The following GALNT13 variants were observed in gnomAD, a reference collection of about 807,000 sequenced individuals.
GALNT13 encodes polypeptide N-acetylgalactosaminyltransferase 13.
In GALNT13, 28 loss-of-function variants were observed where a neutral mutation model predicts 64.2. That is an observed-to-expected ratio of 0.44 (90% CI 0.32 to 0.60). The LOEUF (loss-of-function observed/expected upper bound fraction) is 0.60. Among genes scored for constraint, GALNT13 ranks in the 20% least tolerant of loss-of-function variants. The probability of loss-of-function intolerance (pLI) is 0.05; values close to 1 mark genes in which losing one functional copy is unlikely to be tolerated. For missense variants in GALNT13, 577 were observed against 669.8 expected (o/e 0.86, Z 1.53); for synonymous variants, 214 against 224.6 (o/e 0.95, Z 0.42).
chr2:153,437,862 T>A, the GALNT13 span, among the ~76,000 whole-genome samples: 1 of 152,238 alleles, frequency 6.6e-6, no homozygotes, highest in Non-Finnish European at 1.5e-5. Context: ...AATTTGATCC[T>A]GTCATTATGA....
In GALNT13 at chr2:154,429,461, G is replaced by C. The variant is rs551114644; in HGVS notation, c.1396-9131G>C. Among the ~76,000 whole-genome samples, 15 of 152,212 alleles carry C rather than the reference G, an allele frequency of 9.9e-5. No individual in the cohort carries two copies. In the South Asian group the frequency reaches 3.1e-3, roughly 32 times the overall value. On this transcript the variant is annotated intron_variant, in intron 11 of 12. Coordinates refer to ENST00000392825, the MANE Select transcript of GALNT13 (RefSeq NM_052917.4). ...TACACCAAAACTTCTTCCACAGCAG[G>C]GCCCTAACTCTAATTCTATGATGGG...
intron 3 of GALNT13, among the ~76,000 whole-genome samples, chr2:153,983,935 T>C (rs977005242): frequency 1.3e-5 from 2 of 151,972 alleles, no homozygotes; most frequent in African/African-American, 4.8e-5. Flanking sequence ...AGGTAAATGT[T>C]TAATGGTATC....
At chr2:154,248,329 G>A (rs1159112982) in intron 7 of GALNT13, among the ~76,000 whole-genome samples, 2 of 151,898 alleles carry the variant, frequency 1.3e-5, no homozygotes, top group Admixed American at 1.3e-4. Flanking sequence ...AATGGAGTTT[G>A]TGAAATACTT....
chr2:153,921,991 G>A (rs1283492942), intron 2 of GALNT13, among the ~76,000 whole-genome samples: 1 of 152,056 alleles, frequency 6.6e-6, no homozygotes, highest in East Asian at 1.9e-4. Context: ...AATATGAGGA[G>A]TGGAATAACC....
At chr2:153,443,991 A>G in the GALNT13 span, among the ~76,000 whole-genome samples, 4 of 152,134 alleles carry the variant, frequency 2.6e-5, no homozygotes, top group Non-Finnish European at 5.9e-5. Flanking sequence ...CTTGTGCTCT[A>G]TAATAATCTC....
the GALNT13 span, among the ~76,000 whole-genome samples, chr2:153,232,491 G>A: frequency 4.6e-5 from 7 of 152,294 alleles, no homozygotes; most frequent in Admixed American, 4.6e-4. Flanking sequence ...CACAGTGAAA[G>A]TCCAGTTATA....
At chr2:154,340,135 C>T (rs1351493405) in intron 9 of GALNT13, among the ~76,000 whole-genome samples, 2 of 152,144 alleles carry the variant, frequency 1.3e-5, no homozygotes, top group Admixed American at 6.6e-5. Flanking sequence ...AGTATTATTT[C>T]CATTGGCTGT....
the GALNT13 span, among the ~76,000 whole-genome samples, chr2:153,445,250 A>G: frequency 6.6e-6 from 1 of 152,208 alleles, no homozygotes; most frequent in Admixed American, 6.5e-5. Context: ...ATATTAGAAT[A>G]TCCATAATTA....
the GALNT13 span, among the ~76,000 whole-genome samples, chr2:153,316,049 A>G: frequency 2.0e-5 from 3 of 152,128 alleles, no homozygotes. Context: ...GCTCACCATC[A>G]TTAGTAATCA....
At chr2:153,079,658 A>AT in the GALNT13 span, among the ~76,000 whole-genome samples, 1 of 152,156 alleles carries the variant, frequency 6.6e-6, no homozygotes, top group African/African-American at 2.4e-5. Context: ...TGAGGCCTGC[A>AT]TTTTAATTTT....
the GALNT13 span, among the ~76,000 whole-genome samples, chr2:153,734,522 G>T: frequency 6.6e-6 from 1 of 152,114 alleles, no homozygotes; most frequent in Admixed American, 6.6e-5. Flanking sequence ...TAAACTGCAG[G>T]CCCTCTAGTT....
chr2:153,843,641 A>G, the GALNT13 span, among the ~76,000 whole-genome samples: 2 of 152,220 alleles, frequency 1.3e-5, no homozygotes, highest in African/African-American at 4.8e-5. Flanking sequence ...ACTCCAAAAC[A>G]TAAAATCCAA....
chr2:153,655,006 A>G, the GALNT13 span, among the ~76,000 whole-genome samples: 141 of 152,244 alleles, frequency 9.3e-4, no homozygotes, highest in Non-Finnish European at 1.6e-3. Flanking sequence ...TATTAAGTAA[A>G]TGTTTCTTAA....
the GALNT13 span, among the ~76,000 whole-genome samples, chr2:153,465,582 A>G: frequency 1.3e-5 from 2 of 151,726 alleles, no homozygotes; most frequent in Admixed American, 6.6e-5. Context: ...CTGTACCTCA[A>G]GGATCCTTTT....
chr2:153,719,441 T>TA, the GALNT13 span, among the ~76,000 whole-genome samples: 1 of 152,138 alleles, frequency 6.6e-6, no homozygotes, highest in African/African-American at 2.4e-5. Context: ...TGAGAAAAGC[T>TA]AATATGGGGG....
chr2:153,876,088 C>T lies in GALNT13; in HGVS notation c.-177+3785C>T, dbSNP rs189778222. On this transcript the variant is annotated intron_variant, in intron 1 of 12. Coordinates refer to ENST00000392825, the MANE Select transcript of GALNT13 (RefSeq NM_052917.4). ...CTTTGGTTCTAAATCCTTCCCTCTG[C>T]TCTTGTCATCAAAATAAACACATGT... Among the ~76,000 whole-genome samples the T allele has an allele frequency of 1.8e-3, 280 of 152,150 alleles. 1 individual carries two copies. Among genetic ancestry groups the T allele is most frequent in the African/African-American group, 6.0e-3 (248 of 41,518 alleles).
chr2:153,883,991 G>A (rs140192414), intron 1 of GALNT13, among the ~76,000 whole-genome samples: 1 of 152,072 alleles, frequency 6.6e-6, no homozygotes, highest in African/African-American at 2.4e-5. Flanking sequence ...TAAACATACA[G>A]GTGGCTGAGG....
At chr2:153,988,651 A>C (rs1040401383) in intron 3 of GALNT13, among the ~76,000 whole-genome samples, 3 of 151,958 alleles carry the variant, frequency 2.0e-5, no homozygotes, top group African/African-American at 7.2e-5. Context: ...CGGTGATTAT[A>C]AGTAGCTGAT....
At chr2:154,067,961 A>T (rs13407881) in intron 3 of GALNT13, among the ~76,000 whole-genome samples, 1 of 151,774 alleles carries the variant, frequency 6.6e-6, no homozygotes, top group Admixed American at 6.6e-5. Context: ...CAAACTGTTC[A>T]TCTGACAAGG....
Sources: gnomAD v4.1 joint callset for allele counts (sites outside exome capture counted in the v4.1 genomes callset) on GRCh38, gnomAD v4.1.1 for gene constraint, MANE v1.5 for transcripts, NCBI Gene and HGNC (gene_info 2026-07-23, HGNC 2026-07-21) for gene names.